SYNE2: variants seen among roughly 807,000 people sequenced by gnomAD.
SYNE2 encodes the protein spectrin repeat containing nuclear envelope protein 2.
A neutral mutation model predicts 856.3 loss-of-function variants in SYNE2; 431 were observed. That is an observed-to-expected ratio of 0.50 (90% CI 0.47 to 0.55). SYNE2 has a LOEUF of 0.55. SYNE2 is among the 20% of genes least tolerant of loss of function. SYNE2 has a pLI of 0.00. For synonymous variants in SYNE2, 2,923 were observed against 2,872.3 expected (o/e 1.02, Z -0.56); for missense variants, 8,129 against 8,023.2 (o/e 1.01, Z -0.50).
chr14:64,014,593 A>G (rs991706588), intron 32 of SYNE2, among the ~76,000 whole-genome samples: 3 of 151,772 alleles, frequency 2.0e-5, no homozygotes, highest in Non-Finnish European at 4.4e-5. Context: ...CACCCAACTA[A>G]TTTGTTTGTA....
chr14:64,092,527 TC>T (rs2153629206), intron 60 of SYNE2, among the ~76,000 whole-genome samples: 1 of 152,352 alleles, frequency 6.6e-6, no homozygotes, highest in African/African-American at 2.4e-5. Flanking sequence ...GTTATTCATT[TC>T]CAGCCTATGG....
chr14:64,125,291 TGTC>T, intron 71 of SYNE2, 81 bp downstream of exon 71: 2 of 1,579,612 alleles, frequency 1.3e-6, no homozygotes, highest in South Asian at 1.1e-5. Flanking sequence ...TGGTCATAAT[TGTC>T]GTCACTGAAC....
intron 19 of SYNE2, among the ~76,000 whole-genome samples, chr14:63,989,549 G>A (rs926105072): frequency 1.3e-5 from 2 of 152,174 alleles, no homozygotes; most frequent in Admixed American, 1.3e-4. Flanking sequence ...TGTTGGCCAG[G>A]CTGACCTCAA....
intron 78 of SYNE2, among the ~76,000 whole-genome samples, chr14:64,135,114 G>C (rs1240092139): frequency 6.6e-6 from 1 of 152,148 alleles, no homozygotes; most frequent in East Asian, 1.9e-4. Flanking sequence ...TAGTTTTCAA[G>C]TGACATTGAG....
rs2098717637 is a variant in SYNE2, at chr14:64,226,210, G to C, written c.*684G>C. 3 of 152,604 alleles carry C rather than the reference G, an allele frequency of 2.0e-5. No individual in the cohort carries two copies. Among genetic ancestry groups the C allele is most frequent in the South Asian group, 4.2e-4 (2 of 4,810 alleles). The allele number at this position is 152,604 out of a possible 1,614,324, so 9.5% of individuals were successfully genotyped here. A position where few individuals can be genotyped will look rare whatever the true frequency, so the allele number is the denominator to read the frequency against. ...TTTTAAAAAAATTAGATTTTAGCTGGAGCTTTTGACTAATGTAAAGTAAAT... is the reference window on the plus strand; with the variant it reads ...TTTTAAAAAAATTAGATTTTAGCTGCAGCTTTTGACTAATGTAAAGTAAAT... On this transcript the variant is annotated 3_prime_UTR_variant, in exon 116 of 116. Coordinates refer to ENST00000555002, the MANE Select transcript of SYNE2 (RefSeq NM_182914.3).
At chr14:64,092,922 G>C (rs1047604240) in intron 60 of SYNE2, among the ~76,000 whole-genome samples, 5 of 152,174 alleles carry the variant, frequency 3.3e-5, no homozygotes, top group African/African-American at 9.7e-5. Context: ...TGTTCAGTCT[G>C]AATTGTTATG....
In SYNE2 at chr14:64,017,722, A is replaced by T. The variant is rs927045912; in HGVS notation, c.5015A>T (p.His1672Leu). Residue 1672 changes from histidine to leucine, a missense_variant, in exon 34 of 116, where the codon CAT becomes CTT. Physicochemically the swap from His to Leu is moderately conservative, Grantham distance 99. Coordinates refer to ENST00000555002, the MANE Select transcript of SYNE2 (RefSeq NM_182914.3). ...AAGGCCCTTCAAAAAATGGAATTAC[A>T]TCAATTGACTGAAGAGGACAGAGAA... is the stretch of plus-strand genomic sequence containing the variant. The part of the protein sequence containing the change: ...TEKALQKMEL[H>L]QLTEEDRERL... 6 of 1,613,698 alleles carry T rather than the reference A, an allele frequency of 3.7e-6. No homozygotes were observed. The Admixed American group carries it at 6.7e-5, about 18-fold the overall frequency.
intron 32 of SYNE2, among the ~76,000 whole-genome samples, chr14:64,010,550 C>G (rs1334680786): frequency 1.3e-5 from 2 of 152,176 alleles, no homozygotes; most frequent in East Asian, 1.9e-4. Context: ...CTTATTACCA[C>G]TTTGCTCCAT....
At chr14:64,064,192 T>A (rs893876870) in intron 50 of SYNE2, among the ~76,000 whole-genome samples, 2 of 152,190 alleles carry the variant, frequency 1.3e-5, no homozygotes, top group African/African-American at 2.4e-5. Context: ...TGAGGTAGCG[T>A]TGGGCTACTA....
chr14:63,766,379 C>G (rs745950668), intron 1 of SYNE2, among the ~76,000 whole-genome samples: 3 of 152,078 alleles, frequency 2.0e-5, no homozygotes, highest in Non-Finnish European at 4.4e-5. Context: ...TGCTCCCAGC[C>G]AATAGTGGAA....
Position 64,214,183 on chromosome 14 carries a change from C to G in SYNE2, c.19057-11C>G, listed in dbSNP as rs1288900616. ...GTTGATTAATTCTAACAACTGGATA[C>G]TGTGGTTTAGGGCTTGGAAGATGAA... On this transcript the variant is annotated splice_polypyrimidine_tract_variant and intron_variant, in intron 105 of 115. Coordinates refer to ENST00000555002, the MANE Select transcript of SYNE2 (RefSeq NM_182914.3). 6 of 1,614,052 alleles carry G rather than the reference C, an allele frequency of 3.7e-6. No homozygotes were observed. The highest frequency in any genetic ancestry group is 5.1e-6 in the Non-Finnish European group (6 of 1,180,048).
At chr14:63,974,768 GTA>G (rs755692318) in intron 11 of SYNE2, among the ~76,000 whole-genome samples, 3 of 121,726 alleles carry the variant, frequency 2.5e-5, no homozygotes, top group South Asian at 2.6e-4. Flanking sequence ...ACGTGTGTGT[GTA>G]TATATATATG....
chr14:63,987,937 A>T (rs997488338), intron 19 of SYNE2, among the ~76,000 whole-genome samples: 2 of 152,182 alleles, frequency 1.3e-5, no homozygotes, highest in Admixed American at 1.3e-4. Flanking sequence ...ATGTAATCTC[A>T]TTTGTGGTTT....
chr14:64,209,931 A>C lies in SYNE2; in HGVS notation c.18541-11A>C. ...GCATGCTTTGGCTCTGACCCCTCCCATGTGATGCAGGCCTTTCAGCGGCAG... is the reference window on the plus strand; with the variant it reads ...GCATGCTTTGGCTCTGACCCCTCCCCTGTGATGCAGGCCTTTCAGCGGCAG... On this transcript the variant is annotated splice_polypyrimidine_tract_variant and intron_variant, in intron 102 of 115. Coordinates refer to ENST00000555002, the MANE Select transcript of SYNE2 (RefSeq NM_182914.3). The C allele has an allele frequency of 6.2e-7, 1 of 1,614,058 alleles. No individual in the cohort carries two copies. The highest frequency in any genetic ancestry group is 8.5e-7 in the Non-Finnish European group (1 of 1,180,022).
At position 63,824,731 on chromosome 14, in the gene SYNE2, T is replaced by C. The variant is rs1199023713; in HGVS notation, c.-304-27770T>C. 9.2e-5 allele frequency among the ~76,000 whole-genome samples: 14 copies of C among 152,128 alleles called. No homozygotes were observed. The East Asian group carries it at 2.7e-3, about 29-fold the overall frequency. ...GAGGTGATGCATACCCCATTTACCC[T>C]GATGTGATTATTACACATTGCATGC... On this transcript the variant is annotated intron_variant, in intron 1 of 23. Coordinates refer to the SYNE2 transcript ENST00000674003.
chr14:63,939,401 G>A (rs2095875185), intron 2 of SYNE2, among the ~76,000 whole-genome samples: 1 of 146,920 alleles, frequency 6.8e-6, no homozygotes, highest in South Asian at 2.2e-4. Context: ...AGGCTGGAGT[G>A]CAGTGTCACA....
At chr14:63,835,983 CAAA>C (rs369182135) in intron 1 of SYNE2, among the ~76,000 whole-genome samples, 2 of 128,076 alleles carry the variant, frequency 1.6e-5, no homozygotes, top group Non-Finnish European at 1.6e-5. Context: ...AACTCTGTCT[CAAA>C]AAAAAAAAAA....
At chr14:63,993,126 T>C (rs999445945) in intron 21 of SYNE2, among the ~76,000 whole-genome samples, 6 of 152,242 alleles carry the variant, frequency 3.9e-5, no homozygotes, top group African/African-American at 1.4e-4. Flanking sequence ...GGGGAGGAAC[T>C]GCCAACATGA....
intron 36 of SYNE2, 75 bp from the exon 37 acceptor site, chr14:64,021,782 A>G (rs2096937701): frequency 1.3e-6 from 2 of 1,507,480 alleles, no homozygotes; most frequent in Non-Finnish European, 1.8e-6. Flanking sequence ...TTACAAAACA[A>G]TTGAGATCTA....
Sources: gnomAD v4.1 joint callset for allele counts (sites outside exome capture counted in the v4.1 genomes callset) on GRCh38, gnomAD v4.1.1 for gene constraint, MANE v1.5 for transcripts, NCBI Gene and HGNC (gene_info 2026-07-23, HGNC 2026-07-21) for gene names.